Variants in KLHL22 observed in about 807,000 individuals in gnomAD.
KLHL22 encodes the protein kelch-like protein 22.
KLHL22 carries 18 observed loss-of-function variants against 60.7 expected under a neutral mutation model. That is an observed-to-expected ratio of 0.30 (90% CI 0.20 to 0.44). KLHL22 has a LOEUF of 0.44. KLHL22 is among the 20% of genes least tolerant of loss of function. KLHL22 has a pLI of 1.00. For missense variants in KLHL22, 596 were observed against 852.3 expected (o/e 0.70, Z 3.74); for synonymous variants, 355 against 354.5 (o/e 1.00, Z -0.01).
intron 1 of KLHL22, among the ~76,000 whole-genome samples, chr22:20,494,596 G>C (rs1230170492): frequency 6.6e-6 from 1 of 152,018 alleles, no homozygotes; most frequent in Non-Finnish European, 1.5e-5. Context: ...GGCCAGGCTA[G>C]TCTCTCCTGA....
At chr22:20,475,196 T>C (rs2146252053) in intron 2 of KLHL22, 1 of 152,056 alleles carries the variant, frequency 6.6e-6, no homozygotes, top group East Asian at 1.9e-4. Context: ...TTTTTTTTTT[T>C]TTTTAAACAA....
At chr22:20,469,677 C>T (rs547055732) in intron 3 of KLHL22, among the ~76,000 whole-genome samples, 1 of 152,274 alleles carries the variant, frequency 6.6e-6, no homozygotes, top group East Asian at 1.9e-4. Flanking sequence ...GTCCTATCCA[C>T]CAATCTGAGA....
intron 2 of KLHL22, among the ~76,000 whole-genome samples, chr22:20,482,642 G>C (rs554456543): frequency 2.6e-5 from 4 of 151,804 alleles, no homozygotes; most frequent in Non-Finnish European, 4.4e-5. Flanking sequence ...GTGCGATCTC[G>C]GCTCACTGCA....
intron 2 of KLHL22, among the ~76,000 whole-genome samples, chr22:20,480,605 A>G (rs2053482498): frequency 6.6e-6 from 1 of 152,108 alleles, no homozygotes; most frequent in Non-Finnish European, 1.5e-5. Context: ...CTTTAAATCA[A>G]GTGTATTTTA....
intron 5 of KLHL22, chr22:20,451,751 A>G: frequency 6.3e-7 from 1 of 1,575,306 alleles, no homozygotes; most frequent in African/African-American, 1.3e-5. Context: ...CCTATCATCA[A>G]CAGCTGGGAA....
intron 2 of KLHL22, among the ~76,000 whole-genome samples, chr22:20,477,869 G>A (rs1022143106): frequency 1.3e-5 from 2 of 152,120 alleles, no homozygotes; most frequent in Admixed American, 6.6e-5. Flanking sequence ...AAAAGCACTC[G>A]CCATGGAACA....
intron 3 of KLHL22, among the ~76,000 whole-genome samples, chr22:20,466,193 G>A (rs1466818510): frequency 1.3e-5 from 2 of 151,964 alleles, no homozygotes; most frequent in African/African-American, 4.8e-5. Flanking sequence ...GACCAACATG[G>A]TGAAACACCG....
chr22:20,469,982 C>T (rs1450778893), intron 3 of KLHL22, among the ~76,000 whole-genome samples: 1 of 152,068 alleles, frequency 6.6e-6, no homozygotes, highest in Admixed American at 6.6e-5. Flanking sequence ...TCATCCAAAA[C>T]ATAAGTCACA....
chr22:20,472,106 G>A (rs1454171952), intron 2 of KLHL22, among the ~76,000 whole-genome samples: 2 of 151,854 alleles, frequency 1.3e-5, no homozygotes, highest in Non-Finnish European at 2.9e-5. Flanking sequence ...TATTAGCCGG[G>A]CATGATGTTG....
At chr22:20,467,181 G>T (rs1014823407) in intron 3 of KLHL22, among the ~76,000 whole-genome samples, 1 of 152,172 alleles carries the variant, frequency 6.6e-6, no homozygotes, top group Non-Finnish European at 1.5e-5. Flanking sequence ...ACAGCTGCAG[G>T]TTCTCCCAGC....
Position 20,451,083 on chromosome 22 carries a change from G to A in KLHL22, c.1306-4407C>T, listed in dbSNP as rs1357546408. 2.9e-5 allele frequency: 42 copies of A among 1,458,216 alleles called. No homozygotes were observed. In the East Asian group the frequency reaches 9.1e-4, roughly 32 times the overall value. 90.3% of individuals were successfully genotyped at this position (1,458,216 alleles called of 1,614,324 possible). On this transcript the variant is annotated intron_variant, in intron 5 of 6. Transcript: ENST00000328879. Reference sequence around the variant, plus strand: ...GCATCACTTGTAAGAGATGTTATGTGGCCTCAGTGTCCCTACATGACCAGA... The same window carrying A: ...GCATCACTTGTAAGAGATGTTATGTAGCCTCAGTGTCCCTACATGACCAGA...
At position 20,442,223 on chromosome 22, in the gene KLHL22, G is replaced by A. The variant is rs745442709; in HGVS notation, c.1755C>T (p.Gly585=). The change falls in exon 7 of 7, where the codon GGC becomes GGT. Residue 585 remains glycine, a synonymous_variant. Transcript: ENST00000328879. ...EGPQLDNSIS[G]LAACVLTLPR... is the part of the protein sequence containing the mutation. Reference sequence around the variant, plus strand: ...GCAGGGTGAGCACACAGGCCGCCAGGCCTGAGATGGAGTTGTCCAGCTGGG... The same window carrying A: ...GCAGGGTGAGCACACAGGCCGCCAGACCTGAGATGGAGTTGTCCAGCTGGG... 6.2e-7 allele frequency: 1 copy of A among 1,607,594 alleles called. No individual in the cohort carries two copies.
chr22:20,474,128 T>C (rs1224959529), intron 2 of KLHL22, among the ~76,000 whole-genome samples: 1 of 151,980 alleles, frequency 6.6e-6, no homozygotes, highest in Non-Finnish European at 1.5e-5. Flanking sequence ...GCCTCCCAAG[T>C]AGCTGGGACT....
chr22:20,489,240 G>A lies in KLHL22; in HGVS notation c.-29C>T. ...GACAGCCACAAGATCCCTTACAACT[G>A]TGGCCTGACAGTTGGCAAAACAGGG... On this transcript the variant is annotated 5_prime_UTR_variant, in exon 2 of 7. Transcript: ENST00000328879. 1 of 1,612,268 alleles carries A rather than the reference G, an allele frequency of 6.2e-7. No individual in the cohort carries two copies. The highest frequency in any genetic ancestry group is 8.5e-7 in the Non-Finnish European group (1 of 1,179,168).
At chr22:20,479,289 C>G (rs2053462859) in intron 2 of KLHL22, among the ~76,000 whole-genome samples, 1 of 152,036 alleles carries the variant, frequency 6.6e-6, no homozygotes, top group African/African-American at 2.4e-5. Context: ...TACTACTTTT[C>G]TGTAAGTCAG....
chr22:20,478,492 C>T (rs1167385960), intron 2 of KLHL22, among the ~76,000 whole-genome samples: 4 of 148,532 alleles, frequency 2.7e-5, no homozygotes, highest in South Asian at 2.1e-4. Context: ...CCACCAAGCC[C>T]GCCCCAAACT....
intron 6 of KLHL22, 116 bp from the exon 7 acceptor site, chr22:20,442,554 C>G: frequency 7.8e-7 from 1 of 1,288,896 alleles, no homozygotes; most frequent in Non-Finnish European, 1.0e-6. Context: ...CAGGTCAGGC[C>G]CCCTGGAAGG....
chr22:20,449,044 T>G (rs996758013), intron 5 of KLHL22, among the ~76,000 whole-genome samples: 11 of 87,766 alleles, frequency 1.3e-4, no homozygotes, highest in Admixed American at 9.9e-4. Context: ...TTCTGTTTTT[T>G]GTTTTGTTTT....
intron 5 of KLHL22, chr22:20,450,035 G>T (rs527975030): frequency 3.1e-6 from 2 of 644,244 alleles, no homozygotes; most frequent in Admixed American, 2.4e-5. Context: ...CCACAGGCTG[G>T]GGACAGGCCC....
Sources: allele counts gnomAD v4.1 joint callset (sites outside exome capture counted in the v4.1 genomes callset), GRCh38; gene constraint gnomAD v4.1.1; transcripts MANE v1.5; gene names NCBI Gene and HGNC (gene_info 2026-07-23, HGNC 2026-07-21).